SPHKAP: variants seen among roughly 807,000 people sequenced by gnomAD.
The protein encoded by SPHKAP is SPHK1 interactor, AKAP domain containing.
In SPHKAP, 67 loss-of-function variants were observed where a neutral mutation model predicts 137.5. The observed-to-expected ratio is 0.49, with a 90% CI of 0.40 to 0.60. SPHKAP has a LOEUF of 0.60. SPHKAP is among the 20% of genes least tolerant of loss of function. The probability of loss-of-function intolerance (pLI) is 0.00; values close to 1 mark genes in which losing one functional copy is unlikely to be tolerated. For synonymous variants in SPHKAP, 813 were observed against 785.3 expected (o/e 1.04, Z -0.59); for missense variants, 2,097 against 2,069.3 (o/e 1.01, Z -0.26).
intron 3 of SPHKAP, among the ~76,000 whole-genome samples, chr2:228,078,464 A>C (rs573613438): frequency 6.6e-6 from 1 of 150,976 alleles, no homozygotes; most frequent in Admixed American, 6.6e-5. Context: ...CATTTATTTA[A>C]CTCTTCTGTG....
Position 228,018,428 on chromosome 2 carries a change from G to T in SPHKAP, c.2426C>A (p.Thr809Lys), listed in dbSNP as rs200506306. Residue 809 changes from threonine (T) to lysine (K), a missense_variant, in exon 7 of 12, where the codon ACG becomes AAG. By Grantham distance (78) the Thr-to-Lys change is moderately conservative. Coordinates refer to ENST00000392056, the MANE Select transcript of SPHKAP (RefSeq NM_001142644.2). The stretch of plus-strand genomic sequence containing the variant: ...ACTACGTGATAATTGTGACTGCAGC[G>T]TGGGGTTCTTGAAGAGGCCTGGCCT... ...GVRPGLFKNP[T>K]LQSQLSRSHR... is the part of the protein sequence containing the mutation. The T allele has an allele frequency of 1.2e-6, 2 of 1,613,982 alleles. No homozygotes were observed. The highest frequency in any genetic ancestry group is 3.3e-4 in the Middle Eastern group (2 of 6,062).
intron 6 of SPHKAP, 27 bp downstream of exon 6, chr2:228,021,684 A>C (rs1364343319): frequency 6.4e-7 from 1 of 1,567,396 alleles, no homozygotes; most frequent in Admixed American, 1.9e-5. Flanking sequence ...GACTAATTTC[A>C]GGAGGCACTA....
chr2:228,133,657 G>T (rs13389371), intron 1 of SPHKAP, among the ~76,000 whole-genome samples: 51,999 of 151,912 alleles, frequency 0.34, 9,167 homozygotes, highest in East Asian at 0.5. Flanking sequence ...CATGTAGATG[G>T]TTTCTCTTAA....
chr2:228,129,510 A>T (rs1158182849), intron 2 of SPHKAP, among the ~76,000 whole-genome samples: 1 of 152,028 alleles, frequency 6.6e-6, no homozygotes, highest in East Asian at 1.9e-4. Context: ...TCTCCCCAAG[A>T]TCTAACAGAG....
intron 7 of SPHKAP, among the ~76,000 whole-genome samples, chr2:228,007,995 C>T (rs1694207369): frequency 6.6e-6 from 1 of 152,016 alleles, no homozygotes; most frequent in Non-Finnish European, 1.5e-5. Flanking sequence ...TTGACTTAAA[C>T]TGATTTAAAA....
chr2:228,022,037 T>C, intron 5 of SPHKAP, 71 bp from the exon 6 acceptor site: 1 of 1,472,530 alleles, frequency 6.8e-7, no homozygotes, highest in Non-Finnish European at 9.0e-7. Flanking sequence ...TGAGCTTTCC[T>C]TTTCCACCAA....
chr2:228,161,707 C>CAAAATAAAATAAAATAAAAT (rs374926708), intron 1 of SPHKAP, among the ~76,000 whole-genome samples: 35 of 151,112 alleles, frequency 2.3e-4, no homozygotes, highest in African/African-American at 7.8e-4. Context: ...AAAAATAGAA[C>CAAAATAAAATAAAATAAAAT]AAAATAAAAT....
chr2:228,020,590 C>A (rs191170996), intron 6 of SPHKAP, among the ~76,000 whole-genome samples: 2 of 152,018 alleles, frequency 1.3e-5, no homozygotes, highest in East Asian at 1.9e-4. Context: ...GTGGGGAGGG[C>A]TAGCATTAGG....
chr2:228,109,280 T>G (rs1380472616), intron 2 of SPHKAP: 1 of 750,948 alleles, frequency 1.3e-6, no homozygotes, highest in African/African-American at 1.9e-5. Context: ...CAAATTTCAT[T>G]TAGTGCTAGT....
intron 2 of SPHKAP, among the ~76,000 whole-genome samples, chr2:228,110,102 A>G (rs1698473729): frequency 6.6e-6 from 1 of 152,074 alleles, no homozygotes; most frequent in South Asian, 2.1e-4. Flanking sequence ...AAGCAACATA[A>G]CAGATTTAAT....
At chr2:228,032,960 A>G (rs1310306272) in intron 3 of SPHKAP, among the ~76,000 whole-genome samples, 2 of 152,218 alleles carry the variant, frequency 1.3e-5, no homozygotes, top group Non-Finnish European at 2.9e-5. Context: ...TAGGAAGAAA[A>G]CTGCATCAAC....
At chr2:228,009,151 G>C (rs538133933) in intron 7 of SPHKAP, among the ~76,000 whole-genome samples, 1 of 152,206 alleles carries the variant, frequency 6.6e-6, no homozygotes, top group Admixed American at 6.5e-5. Flanking sequence ...AGTATACTAG[G>C]CTGACAGTTT....
chr2:227,992,063 G>A (rs1020326902), intron 9 of SPHKAP, among the ~76,000 whole-genome samples: 12 of 152,226 alleles, frequency 7.9e-5, no homozygotes, highest in African/African-American at 2.9e-4. Flanking sequence ...GGAGGACTTG[G>A]TAAATGTTTC....
intron 1 of SPHKAP, among the ~76,000 whole-genome samples, chr2:228,132,898 G>A (rs1488042868): frequency 6.6e-6 from 1 of 151,284 alleles, no homozygotes; most frequent in African/African-American, 2.4e-5. Flanking sequence ...CAGCTACAAA[G>A]GAGGCTGAGG....
rs1285355057 is a variant in SPHKAP, at chr2:227,990,455, T to C, written c.4959+545A>G. ...TTCTACCGCAGTTAATGGTAGGTCT[T>C]AGAGATATAGAATTAGAGTGATAGT... is the stretch of plus-strand genomic sequence containing the variant. On this transcript the variant is annotated intron_variant, in intron 11 of 11. Transcript: ENST00000392056. 2.0e-5 allele frequency among the ~76,000 whole-genome samples: 3 copies of C among 152,200 alleles called. No individual in the cohort carries two copies. In the East Asian group the frequency reaches 5.8e-4, roughly 29 times the overall value.
At chr2:228,038,038 G>A (rs1695696690) in intron 3 of SPHKAP, among the ~76,000 whole-genome samples, 1 of 152,220 alleles carries the variant, frequency 6.6e-6, no homozygotes, top group Non-Finnish European at 1.5e-5. Context: ...TGGATTAGGA[G>A]GCTTTGATGA....
intron 2 of SPHKAP, among the ~76,000 whole-genome samples, chr2:228,111,850 G>A (rs1698528653): frequency 6.6e-6 from 1 of 151,996 alleles, no homozygotes; most frequent in Admixed American, 6.6e-5. Flanking sequence ...CCATACAAAT[G>A]GGTATGATTT....
At chr2:228,106,703 C>T (rs1698354497) in intron 3 of SPHKAP, among the ~76,000 whole-genome samples, 1 of 152,118 alleles carries the variant, frequency 6.6e-6, no homozygotes, top group Admixed American at 6.5e-5. Context: ...AGTCCATCAC[C>T]TCTGTGGTTT....
chr2:228,012,640 T>A (rs978647686), intron 7 of SPHKAP, among the ~76,000 whole-genome samples: 9 of 152,242 alleles, frequency 5.9e-5, no homozygotes, highest in African/African-American at 1.9e-4. Context: ...AGAGTAGATA[T>A]CAAGTCTTTC....
Sources: allele counts gnomAD v4.1 joint callset (sites outside exome capture counted in the v4.1 genomes callset), GRCh38; gene constraint gnomAD v4.1.1; transcripts MANE v1.5; gene names NCBI Gene and HGNC (gene_info 2026-07-23, HGNC 2026-07-21).